KHDRBS2: variants seen among roughly 807,000 people sequenced by gnomAD.
KHDRBS2 encodes the protein KH RNA binding domain containing, signal transduction associated 2.
In KHDRBS2, 26 loss-of-function variants were observed where a neutral mutation model predicts 44.3. That is an observed-to-expected ratio of 0.59 (90% CI 0.43 to 0.81). The LOEUF (loss-of-function observed/expected upper bound fraction) is 0.81. KHDRBS2 is among the 40% of genes least tolerant of loss of function. The pLI, the probability that KHDRBS2 is intolerant of heterozygous loss-of-function variation, is 0.00. For synonymous variants in KHDRBS2, 194 were observed against 151.1 expected (o/e 1.28, Z -2.08); for missense variants, 476 against 433.1 (o/e 1.10, Z -0.88).
chr6:61,629,629 A>G, the KHDRBS2 span, among the ~76,000 whole-genome samples: 4 of 152,162 alleles, frequency 2.6e-5, no homozygotes, highest in Admixed American at 1.3e-4. Context: ...TTTTGGGCAA[A>G]TGGGCTCTGC....
chr6:61,559,530 T>G, the KHDRBS2 span, among the ~76,000 whole-genome samples: 1 of 152,158 alleles, frequency 6.6e-6, no homozygotes, highest in Non-Finnish European at 1.5e-5. Context: ...TAATTTTCTC[T>G]GATGGTATGT....
chr6:62,212,526 G>GTTA (rs1301356358), intron 1 of KHDRBS2, among the ~76,000 whole-genome samples: 12 of 152,050 alleles, frequency 7.9e-5, no homozygotes, highest in Admixed American at 7.9e-4. Context: ...TGGAGTTGTA[G>GTTA]TTAGTAAAGT....
chr6:62,073,763 G>C (rs180838409), intron 2 of KHDRBS2, among the ~76,000 whole-genome samples: 1 of 151,556 alleles, frequency 6.6e-6, no homozygotes, highest in Admixed American at 6.6e-5. Context: ...GCTATCCCAT[G>C]TTGTTTTTAT....
intron 1 of KHDRBS2, among the ~76,000 whole-genome samples, chr6:62,193,947 T>A (rs10945137): frequency 0.32 from 49,051 of 152,004 alleles, 8,561 homozygotes; most frequent in Middle Eastern, 0.44. Context: ...TACTGAGTCA[T>A]AAAAGTTCTT....
chr6:61,661,748 G>A, the KHDRBS2 span, among the ~76,000 whole-genome samples: 1 of 151,808 alleles, frequency 6.6e-6, no homozygotes, highest in Non-Finnish European at 1.5e-5. Flanking sequence ...AAATAAAAGA[G>A]GATACAAACA....
intron 6 of KHDRBS2, among the ~76,000 whole-genome samples, chr6:61,858,832 G>A (rs542092762): frequency 6.6e-6 from 1 of 151,960 alleles, no homozygotes; most frequent in African/African-American, 2.4e-5. Flanking sequence ...GTACATAACA[G>A]TCGTATATTG....
chr6:61,651,632 T>C, the KHDRBS2 span, among the ~76,000 whole-genome samples: 5 of 152,142 alleles, frequency 3.3e-5, no homozygotes, highest in Non-Finnish European at 4.4e-5. Flanking sequence ...ATTACATATC[T>C]TGTCCACAAT....
chr6:61,679,414 C>CT (rs1317484121), downstream of KHDRBS2, among the ~76,000 whole-genome samples: 23 of 151,922 alleles, frequency 1.5e-4, no homozygotes, highest in East Asian at 2.5e-3. Flanking sequence ...TGTAGGTTTA[C>CT]TTTTTTAACT....
At chr6:61,701,971 C>T (rs373224906) in intron 7 of KHDRBS2, among the ~76,000 whole-genome samples, 80 of 151,860 alleles carry the variant, frequency 5.3e-4, no homozygotes, top group African/African-American at 1.9e-3. Flanking sequence ...TGCATATTTT[C>T]TAGAGGTCCT....
At chr6:61,796,600 T>G (rs1785388031) in intron 6 of KHDRBS2, among the ~76,000 whole-genome samples, 1 of 152,040 alleles carries the variant, frequency 6.6e-6, no homozygotes, top group African/African-American at 2.4e-5. Context: ...TATCATGTAA[T>G]TGGAAAAGTA....
Position 62,276,260 on chromosome 6 carries a change from T to TCAGAACATA in KHDRBS2, c.91+9589_91+9597dup, listed in dbSNP as rs549027467. Among the ~76,000 whole-genome samples, 305 of 152,282 alleles carry TCAGAACATA rather than the reference T, an allele frequency of 2.0e-3. 10 individuals are homozygous for TCAGAACATA. The South Asian group carries it at 0.06, about 30-fold the overall frequency. ...TTCAAAGTTATTAAATTCTAATACCTCAGAACATACAGATAACATTTAAAT... is the reference window on the plus strand; with the variant it reads ...TTCAAAGTTATTAAATTCTAATACCTCAGAACATACAGAACATACAGATAACATTTAAAT... On this transcript the variant is annotated intron_variant, in intron 1 of 8. Coordinates refer to ENST00000281156, the MANE Select transcript of KHDRBS2 (RefSeq NM_152688.4).
intron 2 of KHDRBS2, among the ~76,000 whole-genome samples, chr6:62,104,233 C>T (rs1802592581): frequency 6.6e-6 from 1 of 152,166 alleles, no homozygotes; most frequent in Non-Finnish European, 1.5e-5. Context: ...TATACACATT[C>T]TCTCCAGTGT....
chr6:61,897,990 A>G (rs9294654), intron 5 of KHDRBS2, among the ~76,000 whole-genome samples: 24,209 of 152,132 alleles, frequency 0.16, 2,505 homozygotes, highest in East Asian at 0.29. Flanking sequence ...AATTATTATT[A>G]CAATATATAG....
At chr6:61,949,112 T>C (rs1289866389) in intron 4 of KHDRBS2, among the ~76,000 whole-genome samples, 1 of 152,108 alleles carries the variant, frequency 6.6e-6, no homozygotes, top group Non-Finnish European at 1.5e-5. Flanking sequence ...CCAGGCCCCA[T>C]GGAAGAGGCT....
chr6:61,551,269 C>T, the KHDRBS2 span, among the ~76,000 whole-genome samples: 2 of 151,974 alleles, frequency 1.3e-5, no homozygotes, highest in Non-Finnish European at 1.5e-5. Context: ...GTTATTAGAC[C>T]TTTGTCAGAT....
chr6:61,822,657 G>A (rs1790121318), intron 6 of KHDRBS2, among the ~76,000 whole-genome samples: 2 of 151,862 alleles, frequency 1.3e-5, no homozygotes, highest in Non-Finnish European at 2.9e-5. Flanking sequence ...TGTGGCCCTA[G>A]CTTAACTCTC....
At chr6:61,932,605 C>T (rs1391796765) in intron 4 of KHDRBS2, among the ~76,000 whole-genome samples, 1 of 152,104 alleles carries the variant, frequency 6.6e-6, no homozygotes, top group Non-Finnish European at 1.5e-5. Context: ...TCCAGACCAT[C>T]CTGGCTAACA....
intron 3 of KHDRBS2, among the ~76,000 whole-genome samples, chr6:61,999,108 T>C (rs998173435): frequency 1.3e-5 from 2 of 152,058 alleles, no homozygotes; most frequent in African/African-American, 4.8e-5. Flanking sequence ...AATTTGAAAA[T>C]ATTCAGTAAT....
intron 2 of KHDRBS2, among the ~76,000 whole-genome samples, chr6:62,055,919 ATTCCCAG>A (rs940934503): frequency 1.3e-5 from 2 of 151,978 alleles, no homozygotes; most frequent in African/African-American, 4.8e-5. Context: ...CTGTCCACAA[ATTCCCAG>A]TTCTTGGTCT....
Sources: gnomAD v4.1 joint callset for allele counts (sites outside exome capture counted in the v4.1 genomes callset) on GRCh38, gnomAD v4.1.1 for gene constraint, MANE v1.5 for transcripts, NCBI Gene and HGNC (gene_info 2026-07-23, HGNC 2026-07-21) for gene names.